Variants in ADARB2 observed in about 807,000 individuals in gnomAD.
The protein encoded by ADARB2 is adenosine deaminase RNA specific B2 (inactive).
ADARB2 carries 25 observed loss-of-function variants against 62.2 expected under a neutral mutation model. That is an observed-to-expected ratio of 0.40 (90% confidence interval 0.29 to 0.56). The LOEUF (loss-of-function observed/expected upper bound fraction) is 0.56. Among genes scored for constraint, ADARB2 ranks in the 20% least tolerant of loss-of-function variants. The pLI is 0.43. For synonymous variants in ADARB2, 572 were observed against 500.8 expected, an observed-to-expected ratio of 1.14 and a Z score of -1.90; for missense variants, 1,071 against 1,077.4, an observed-to-expected ratio of 0.99 and a Z score of 0.08.
chr10:1,651,162 CA>C (rs1834104721), intron 1 of ADARB2, among the ~76,000 whole-genome samples: 1 of 152,218 alleles, frequency 6.6e-6, no homozygotes, highest in East Asian at 1.9e-4. Flanking sequence ...AATATCAGAG[CA>C]GGGACAGTTC....
intron 1 of ADARB2, among the ~76,000 whole-genome samples, chr10:1,572,885 T>C (rs1832959481): frequency 6.6e-6 from 1 of 152,160 alleles, no homozygotes; most frequent in Non-Finnish European, 1.5e-5. Flanking sequence ...ACGTACAGCG[T>C]TTCCCTGCTT....
intron 1 of ADARB2, among the ~76,000 whole-genome samples, chr10:1,480,129 G>A (rs1408628447): frequency 6.6e-6 from 1 of 151,984 alleles, no homozygotes; most frequent in African/African-American, 2.4e-5. Context: ...CTCTAGAACA[G>A]GACAAAGAGA....
intron 4 of ADARB2, among the ~76,000 whole-genome samples, chr10:1,262,301 TAA>T (rs1831147892): frequency 1.4e-5 from 2 of 144,124 alleles, no homozygotes; most frequent in African/African-American, 5.2e-5. Context: ...ATAATAATAA[TAA>T]TAATAATAAT....
At chr10:1,184,583 T>C (rs876630) in intron 9 of ADARB2, among the ~76,000 whole-genome samples, 51,101 of 152,110 alleles carry the variant, frequency 0.34, 8,643 homozygotes, top group Admixed American at 0.4. Flanking sequence ...ACAAAGCAGG[T>C]GGTGCCGTGC....
chr10:1,508,519 C>T (rs983875264), intron 1 of ADARB2, among the ~76,000 whole-genome samples: 2 of 152,342 alleles, frequency 1.3e-5, no homozygotes, highest in African/African-American at 2.4e-5. Flanking sequence ...GTGGCTCACG[C>T]CTGTAATCCC....
At chr10:1,600,811 G>A (rs77177383) in intron 1 of ADARB2, among the ~76,000 whole-genome samples, 5,851 of 152,182 alleles carry the variant, frequency 0.038, 125 homozygotes, top group African/African-American at 0.048. Context: ...GCACATGTTT[G>A]GGCAAATCTA....
chr10:1,500,701 G>A (rs1425995337), intron 1 of ADARB2, among the ~76,000 whole-genome samples: 2 of 152,156 alleles, frequency 1.3e-5, no homozygotes, highest in Non-Finnish European at 2.9e-5. Flanking sequence ...GCTGTTATAG[G>A]TGGGCTGCAT....
Position 1,326,851 on chromosome 10 carries a change from TCCCCA to T in ADARB2, c.1077+36172_1077+36176del, listed in dbSNP as rs1235293526. On this transcript the variant is annotated intron_variant, in intron 3 of 9. Transcript: ENST00000381312. ...CAGCGCCTCCCCACGGCCCAGCGCC[TCCCCA>T]CTGCCCAGCGCCTCCCCACGGCACA... Among the ~76,000 whole-genome samples the T allele has an allele frequency of 2.6e-3, 132 of 50,340 alleles. 4 individuals carry two copies. The highest frequency in any genetic ancestry group is 4.9e-3 in the Non-Finnish European group (107 of 22,020). 33.0% of individuals were successfully genotyped at this position (50,340 alleles called of 152,430 possible). A position where few individuals can be genotyped will look rare whatever the true frequency, so the allele number is the denominator to read the frequency against.
At chr10:1,323,196 TGTC>T (rs1831810337) in intron 3 of ADARB2, among the ~76,000 whole-genome samples, 1 of 151,688 alleles carries the variant, frequency 6.6e-6, no homozygotes, top group African/African-American at 2.4e-5. Flanking sequence ...TAGTTAATAT[TGTC>T]ATCATCCTCT....
intron 6 of ADARB2, among the ~76,000 whole-genome samples, chr10:1,233,171 G>A (rs1830825899): frequency 6.6e-6 from 1 of 152,142 alleles, no homozygotes; most frequent in Admixed American, 6.5e-5. Context: ...AGAGGGGCAG[G>A]GGCTGCGTGG....
At chr10:1,626,937 C>G (rs1347751897) in intron 1 of ADARB2, among the ~76,000 whole-genome samples, 1 of 152,154 alleles carries the variant, frequency 6.6e-6, no homozygotes, top group Non-Finnish European at 1.5e-5. Context: ...CCACCCTGTG[C>G]CTTCCTCCTA....
intron 3 of ADARB2, among the ~76,000 whole-genome samples, chr10:1,286,643 T>C (rs1012258844): frequency 3.3e-5 from 5 of 152,212 alleles, no homozygotes; most frequent in Non-Finnish European, 7.3e-5. Context: ...CCCAGCTGCA[T>C]GACCACTACG....
chr10:1,451,375 G>A (rs759947673), intron 1 of ADARB2, among the ~76,000 whole-genome samples: 20 of 152,210 alleles, frequency 1.3e-4, no homozygotes, highest in African/African-American at 2.2e-4. Flanking sequence ...TGCACCTGGC[G>A]GTGCTGCCCT....
At chr10:1,535,325 C>A (rs558525938) in intron 1 of ADARB2, among the ~76,000 whole-genome samples, 2 of 152,070 alleles carry the variant, frequency 1.3e-5, no homozygotes, top group African/African-American at 2.4e-5. Flanking sequence ...CAGTCTGATT[C>A]GGAGTGGAAT....
chr10:1,396,313 C>G (rs1832612798), intron 1 of ADARB2, among the ~76,000 whole-genome samples: 1 of 152,184 alleles, frequency 6.6e-6, no homozygotes, highest in Admixed American at 6.5e-5. Flanking sequence ...CCTCGGTGAC[C>G]CATCGCAGCT....
At chr10:1,720,576 C>CA (rs889105365) in intron 1 of ADARB2, among the ~76,000 whole-genome samples, 15 of 151,700 alleles carry the variant, frequency 9.9e-5, no homozygotes, top group Non-Finnish European at 1.9e-4. Flanking sequence ...TTGTAGATGG[C>CA]AAAAAAAATT....
chr10:1,190,890 T>C (rs1460654630), intron 8 of ADARB2, among the ~76,000 whole-genome samples: 4 of 152,218 alleles, frequency 2.6e-5, no homozygotes, highest in Non-Finnish European at 4.4e-5. Flanking sequence ...TGGGGGCCAT[T>C]ATCCAGCCCA....
At chr10:1,616,124 T>A (rs1833629635) in intron 1 of ADARB2, among the ~76,000 whole-genome samples, 1 of 152,178 alleles carries the variant, frequency 6.6e-6, no homozygotes. Context: ...GGCAGCTGTG[T>A]TTTATGTTGA....
intron 7 of ADARB2, among the ~76,000 whole-genome samples, chr10:1,203,641 T>A (rs1837014944): frequency 6.7e-6 from 1 of 150,242 alleles, no homozygotes; most frequent in Non-Finnish European, 1.5e-5. Context: ...GGGGAGTCAG[T>A]GCGGCCATCA....
Sources: allele counts gnomAD v4.1 joint callset (sites outside exome capture counted in the v4.1 genomes callset), GRCh38; gene constraint gnomAD v4.1.1; transcripts MANE v1.5; gene names NCBI Gene and HGNC (gene_info 2026-07-23, HGNC 2026-07-21).